The following UBE3C variants were observed in gnomAD, a reference collection of about 807,000 sequenced individuals.
UBE3C encodes the protein ubiquitin protein ligase E3C.
Under a neutral mutation model 129.4 loss-of-function variants are expected in UBE3C, and 42 were observed. That is an observed-to-expected ratio of 0.32 (90% confidence interval 0.25 to 0.42). UBE3C has a LOEUF of 0.42. Ranked by LOEUF, UBE3C falls within the 10% of genes least tolerant of loss-of-function variation. The pLI is 1.00. For missense variants in UBE3C, 1,049 were observed against 1,319.1 expected, an observed-to-expected ratio of 0.80 and a Z score of 3.17; for synonymous variants, 510 against 492.4, an observed-to-expected ratio of 1.04 and a Z score of -0.47.
chr7:157,240,873 T>C (rs1458332737), intron 18 of UBE3C, among the ~76,000 whole-genome samples: 1 of 152,138 alleles, frequency 6.6e-6, no homozygotes, highest in Non-Finnish European at 1.5e-5. Context: ...ACAGCCAGGA[T>C]GGTAGAATGA....
In UBE3C at chr7:157,171,678, ATATATATATTTTTTTTTTTTTTTTTTT is replaced by A. The variant is rs1808373313; in HGVS notation, c.342+1230_342+1256del. 9.3e-5 allele frequency among the ~76,000 whole-genome samples: 3 copies of A among 32,156 alleles called. 1 individual carries two copies. Among genetic ancestry groups the A allele is most frequent in the African/African-American group, 2.6e-4 (3 of 11,562 alleles). The allele number at this position is 32,156 out of a possible 152,430, so 21.1% of individuals were successfully genotyped here. ...AAATATTTTATATATATATATATAT[ATATATATATTTTTTTTTTTTTTTTTTT>A]TTTTTTTTTTTTTTTTTTTGAGACA... is the stretch of plus-strand genomic sequence containing the variant. On this transcript the variant is annotated intron_variant, in intron 4 of 22. Transcript: ENST00000348165.
At chr7:157,190,610 C>A (rs1004550743) in intron 10 of UBE3C, among the ~76,000 whole-genome samples, 1 of 152,038 alleles carries the variant, frequency 6.6e-6, no homozygotes, top group African/African-American at 2.4e-5. Flanking sequence ...AGTATTCCCA[C>A]CATGGTGCTC....
chr7:157,174,856 T>G, intron 4 of UBE3C, 63 bp from the exon 5 acceptor site: 1 of 1,321,234 alleles, frequency 7.6e-7, no homozygotes, highest in Non-Finnish European at 1.0e-6. Flanking sequence ...TGGGGTATTA[T>G]GTAAATTAGC....
chr7:157,145,347 A>T (rs28837421), intron 1 of UBE3C, among the ~76,000 whole-genome samples: 1 of 152,020 alleles, frequency 6.6e-6, no homozygotes, highest in Non-Finnish European at 1.5e-5. Flanking sequence ...GTGATACTCT[A>T]TCTCTACTAA....
chr7:157,147,464 A>G (rs1025058707), intron 1 of UBE3C, among the ~76,000 whole-genome samples: 19 of 152,054 alleles, frequency 1.2e-4, no homozygotes, highest in Admixed American at 7.2e-4. Context: ...TAATCATTTC[A>G]TTTGCAACCA....
In UBE3C at chr7:157,183,883, C is replaced by T. The variant is rs768917749; in HGVS notation, c.997C>T (p.Leu333Phe). 2.5e-6 allele frequency: 4 copies of T among 1,612,642 alleles called. No individual in the cohort carries two copies. The highest frequency in any genetic ancestry group is 3.4e-6 in the Non-Finnish European group (4 of 1,179,154). Residue 333 changes from leucine (L) to phenylalanine (F), a missense_variant, in exon 9 of 23, where the codon CTC becomes TTC. Physicochemically the swap from Leu to Phe is conservative, Grantham distance 22 (BLOSUM62 0). Around this residue, in one of 4 missense-constraint regions of UBE3C, gnomAD observed 489 missense variants for 513.8 expected, o/e 0.95. Coordinates refer to ENST00000348165, the MANE Select transcript of UBE3C (RefSeq NM_014671.3). ...LTVGENYLGA[L>F]SEEGLLVYLR... ...TAACTGATTGTTTTGCAAAGGGGCC[C>T]TCTCTGAGGAAGGGCTGCTGGTGTA...
intron 14 of UBE3C, among the ~76,000 whole-genome samples, chr7:157,219,129 A>G (rs951981943): frequency 2.0e-5 from 3 of 152,184 alleles, no homozygotes; most frequent in Admixed American, 2.0e-4. Context: ...GTGCCACTCC[A>G]GGTGCAGCGC....
In UBE3C at chr7:157,267,798, C is replaced by T. The variant is rs771534714; in HGVS notation, c.*43C>T. 9 of 1,509,440 alleles carry T rather than the reference C, an allele frequency of 6.0e-6. No individual in the cohort carries two copies. The highest frequency in any genetic ancestry group is 8.0e-6 in the Non-Finnish European group (9 of 1,131,884). The allele number at this position is 1,509,440 out of a possible 1,614,324, so 93.5% of individuals were successfully genotyped here. A position where few individuals can be genotyped will look rare whatever the true frequency, so the allele number is the denominator to read the frequency against. Reference sequence around the variant, plus strand: ...GACCCCTACAGAGAACCAGTGCTTCCTTCGTCAGCAGCGCCTCCCCAGACC... The same window carrying T: ...GACCCCTACAGAGAACCAGTGCTTCTTTCGTCAGCAGCGCCTCCCCAGACC... On this transcript the variant is annotated 3_prime_UTR_variant, in exon 23 of 23. Transcript: ENST00000348165.
intron 18 of UBE3C, among the ~76,000 whole-genome samples, chr7:157,246,314 A>G (rs916733104): frequency 1.3e-5 from 2 of 152,226 alleles, no homozygotes; most frequent in African/African-American, 4.8e-5. Context: ...CCACAGGAGC[A>G]GTGGCTCACA....
In UBE3C at chr7:157,268,036, T is replaced by C. The variant is rs1797126712; in HGVS notation, c.*281T>C. On this transcript the variant is annotated 3_prime_UTR_variant, in exon 23 of 23. Transcript: ENST00000348165. ...AAGAAGAGCACAGTTTTTACACTAG[T>C]GGCATCTCAGTGAAATTAACCAAAG... The C allele has an allele frequency of 4.3e-5, 11 of 256,668 alleles. No homozygotes were observed. Among genetic ancestry groups the C allele is most frequent in the Non-Finnish European group, 7.3e-6 (1 of 136,812 alleles). 15.9% of individuals were successfully genotyped at this position (256,668 alleles called of 1,614,324 possible).
intron 22 of UBE3C, among the ~76,000 whole-genome samples, chr7:157,263,511 A>G (rs1280663107): frequency 1.3e-5 from 2 of 152,158 alleles, no homozygotes; most frequent in Admixed American, 6.5e-5. Flanking sequence ...TAAAAATACA[A>G]AAATTAGCTA....
chr7:157,261,991 C>A (rs925966127), intron 22 of UBE3C, among the ~76,000 whole-genome samples: 1 of 152,100 alleles, frequency 6.6e-6, no homozygotes, highest in Admixed American at 6.6e-5. Context: ...ATTCAATTAG[C>A]GTTATGAAAG....
rs143608582 is a variant in UBE3C at position 157,186,921 on chromosome 7, C to T, written c.1231C>T (p.Leu411=). 6.8e-6 allele frequency: 11 copies of T among 1,613,994 alleles called. No homozygotes were observed. The highest frequency in any genetic ancestry group is 8.5e-6 in the Non-Finnish European group (10 of 1,180,020). Residue 411 remains leucine, a synonymous_variant, in exon 10 of 23, where the codon CTG becomes TTG. Transcript: ENST00000348165. ...TKQQTNTLLN[L]VWRDSASEEV... is the part of the protein sequence containing the mutation. ...GCAGCAGACCAACACCCTGCTCAAC[C>T]TGGTGTGGAGGGACTCTGCGAGCGA...
chr7:157,182,013 C>T (rs1808677787), intron 7 of UBE3C, 95 bp from the exon 8 acceptor site: 2 of 1,278,730 alleles, frequency 1.6e-6, no homozygotes, highest in African/African-American at 1.5e-5. Flanking sequence ...AGTAGATTAT[C>T]CTTTTAGAAG....
chr7:157,225,361 G>A, intron 16 of UBE3C, 46 bp from the exon 17 acceptor site: 1 of 1,566,412 alleles, frequency 6.4e-7, no homozygotes, highest in Non-Finnish European at 8.6e-7. Context: ...TAGGTTGTAA[G>A]AGGTCTTTTG....
rs139839814 is a variant in UBE3C, at chr7:157,163,112, G to A, written c.67-698G>A. Among the ~76,000 whole-genome samples the A allele has an allele frequency of 4.7e-3, 718 of 151,938 alleles. 4 individuals carry two copies. The highest frequency in any genetic ancestry group is 0.016 in the African/African-American group (656 of 41,452). Reference sequence around the variant, plus strand: ...AAATGATACCCAGAGATGGCCGGGCGCGGTGGTTCACGCCTGTAATCCCAG... The same window carrying A: ...AAATGATACCCAGAGATGGCCGGGCACGGTGGTTCACGCCTGTAATCCCAG... On this transcript the variant is annotated intron_variant, in intron 1 of 22. Transcript: ENST00000348165.
At chr7:157,261,323 A>G (rs1206241064) in intron 22 of UBE3C, among the ~76,000 whole-genome samples, 13 of 140,422 alleles carry the variant, frequency 9.3e-5, no homozygotes, top group Non-Finnish European at 1.3e-4. Flanking sequence ...AAAAAAAAAA[A>G]AAAAAAAAAA....
chr7:157,163,046 A>G (rs1314447619), intron 1 of UBE3C, among the ~76,000 whole-genome samples: 1 of 152,084 alleles, frequency 6.6e-6, no homozygotes, highest in Non-Finnish European at 1.5e-5. Flanking sequence ...CTTCATTGAA[A>G]TTTTTATTGA....
chr7:157,257,410 G>A (rs1796779980), intron 22 of UBE3C, among the ~76,000 whole-genome samples: 2 of 152,170 alleles, frequency 1.3e-5, no homozygotes, highest in African/African-American at 4.8e-5. Context: ...TGTTGATGGA[G>A]TGTATATGCT....
Sources: gnomAD v4.1 joint callset for allele counts (sites outside exome capture counted in the v4.1 genomes callset) on GRCh38, gnomAD v4.1.1 for gene constraint, gnomAD v4.1.1 regional missense constraint, MANE v1.5 for transcripts, NCBI Gene and HGNC (gene_info 2026-07-23, HGNC 2026-07-21) for gene names.